Variants in WWC1 observed in about 807,000 individuals in gnomAD.
The protein encoded by WWC1 is WW and C2 domain containing 1, also known as protein KIBRA.
In WWC1, 55 loss-of-function variants were observed where a neutral mutation model predicts 138.4. That is an observed-to-expected ratio of 0.40 (90% CI 0.32 to 0.50). The LOEUF (loss-of-function observed/expected upper bound fraction) is 0.50. Ranked by LOEUF, WWC1 falls within the 20% of genes least tolerant of loss-of-function variation. The probability of loss-of-function intolerance (pLI) is 0.72; values close to 1 mark genes in which losing one functional copy is unlikely to be tolerated. For synonymous variants in WWC1, 524 were observed against 564.9 expected, an observed-to-expected ratio of 0.93 and a Z score of 1.03; for missense variants, 1,226 against 1,420.4, an observed-to-expected ratio of 0.86 and a Z score of 2.20.
chr5:168,426,813 G>C (rs1301558010), intron 11 of WWC1, among the ~76,000 whole-genome samples: 1 of 152,266 alleles, frequency 6.6e-6, no homozygotes, highest in Middle Eastern at 3.2e-3. Context: ...TCTGCCCGCA[G>C]GTGCTCAGAG....
rs76913767 is a variant in WWC1 at position 168,368,999 on chromosome 5, G to A, written c.120-2425G>A. ...TCCTTCTACTCCAAAATGGTAGTTT[G>A]TGTTTTCCCGTGGGGCTTAGGAGAT... On this transcript the variant is annotated intron_variant, in intron 1 of 22. Coordinates refer to ENST00000265293, the MANE Select transcript of WWC1 (RefSeq NM_015238.3). 8.0e-3 allele frequency among the ~76,000 whole-genome samples: 1,221 copies of A among 152,290 alleles called. 11 individuals carry two copies. The highest frequency in any genetic ancestry group is 0.03 in the East Asian group (156 of 5,168).
chr5:168,367,652 T>C (rs1221293933), intron 1 of WWC1, among the ~76,000 whole-genome samples: 1 of 152,046 alleles, frequency 6.6e-6, no homozygotes, highest in Non-Finnish European at 1.5e-5. Flanking sequence ...AGAGCTCGAG[T>C]TTTGGAATCT....
chr5:168,310,198 TTC>T (rs1487107712), intron 1 of WWC1, among the ~76,000 whole-genome samples: 1 of 152,170 alleles, frequency 6.6e-6, no homozygotes, highest in Non-Finnish European at 1.5e-5. Context: ...AAGAAGACCT[TTC>T]CCCTGTAATA....
intron 5 of WWC1, among the ~76,000 whole-genome samples, chr5:168,403,439 T>C (rs1266781102): frequency 6.6e-6 from 1 of 152,182 alleles, no homozygotes; most frequent in African/African-American, 2.4e-5. Context: ...CCTGTCATGA[T>C]TCTGATGACA....
intron 15 of WWC1, among the ~76,000 whole-genome samples, chr5:168,439,756 A>T (rs1293560031): frequency 3.3e-5 from 5 of 152,090 alleles, no homozygotes; most frequent in Non-Finnish European, 7.4e-5. Context: ...CTACAAGGAG[A>T]ATTATTCGGT....
chr5:168,406,972 G>T (rs886088987), intron 6 of WWC1, among the ~76,000 whole-genome samples: 1 of 149,570 alleles, frequency 6.7e-6, no homozygotes, highest in African/African-American at 2.6e-5. Context: ...AATAAAGAGA[G>T]AGAGAGAGAG....
At chr5:168,465,982 A>G (rs113692309) in intron 21 of WWC1, among the ~76,000 whole-genome samples, 7 of 152,226 alleles carry the variant, frequency 4.6e-5, no homozygotes, top group African/African-American at 1.7e-4. Flanking sequence ...AGAGCTCGGG[A>G]AGAGGGACCA....
intron 19 of WWC1, among the ~76,000 whole-genome samples, chr5:168,456,209 C>A (rs1289667118): frequency 6.6e-6 from 1 of 152,054 alleles, no homozygotes; most frequent in Non-Finnish European, 1.5e-5. Flanking sequence ...GAAGCTGAGA[C>A]AGGAGAATTG....
At position 168,406,233 on chromosome 5, in the gene WWC1, A is replaced by G; in HGVS notation, c.626A>G (p.Tyr209Cys). ...AAAATGTCTGATGCTCAGGGCAGCT[A>G]CAAACTGGATGAAGCTCAGGCTGTC... is the stretch of plus-strand genomic sequence containing the variant. The part of the protein sequence containing the change: ...DKKMSDAQGS[Y>C]KLDEAQAVLR... The change falls in exon 6 of 23, where the codon TAC (tyrosine) becomes TGC (cysteine). Residue 209 changes from tyrosine (Y) to cysteine (C), a missense_variant. Tyr to Cys is a radical substitution (Grantham distance 194). Around this residue, in one of 3 missense-constraint regions of WWC1, gnomAD observed 1,016 missense variants for 1,153.9 expected, o/e 0.88. Coordinates refer to ENST00000265293, the MANE Select transcript of WWC1 (RefSeq NM_015238.3). 1 of 1,614,142 alleles carries G rather than the reference A, an allele frequency of 6.2e-7. No individual in the cohort carries two copies. Among genetic ancestry groups the G allele is most frequent in the Non-Finnish European group, 8.5e-7 (1 of 1,179,962 alleles).
Position 168,441,688 on chromosome 5 carries a change from G to A in WWC1, c.2287G>A (p.Ala763Thr), listed in dbSNP as rs765296689. 10 of 1,613,504 alleles carry A rather than the reference G, an allele frequency of 6.2e-6. No individual in the cohort carries two copies. Among genetic ancestry groups the A allele is most frequent in the South Asian group, 2.2e-5 (2 of 90,990 alleles). The change falls in exon 16 of 23, where the codon GCC (alanine) becomes ACC (threonine). Residue 763 changes from alanine (A) to threonine (T), a missense_variant. This residue lies in a region of WWC1 where 1,016 missense variants were observed against 1,153.9 expected (regional missense o/e 0.88). Coordinates refer to ENST00000265293, the MANE Select transcript of WWC1 (RefSeq NM_015238.3). Reference sequence around the variant, plus strand: ...TTGTTTCCATCCCCAACAGGGAGGCGCCCAGATCAGCCTGGCGGAGGTCTG... The same window carrying A: ...TTGTTTCCATCCCCAACAGGGAGGCACCCAGATCAGCCTGGCGGAGGTCTG... The part of the protein sequence containing the change: ...RSHLEECLGG[A>T]QISLAEVCRS...
At chr5:168,377,122 G>A (rs1393327246) in intron 2 of WWC1, among the ~76,000 whole-genome samples, 4 of 152,126 alleles carry the variant, frequency 2.6e-5, no homozygotes, top group Non-Finnish European at 4.4e-5. Flanking sequence ...TTAGAATAAA[G>A]CCGCACACCT....
At chr5:168,390,884 C>G (rs750932176) in intron 3 of WWC1, among the ~76,000 whole-genome samples, 125 of 152,230 alleles carry the variant, frequency 8.2e-4, no homozygotes, top group Non-Finnish European at 1.6e-3. Flanking sequence ...GTTAGGCACT[C>G]TAAGTAATCT....
intron 1 of WWC1, among the ~76,000 whole-genome samples, chr5:168,362,683 A>G (rs1015204481): frequency 3.9e-4 from 60 of 152,264 alleles, no homozygotes; most frequent in African/African-American, 1.3e-3. Flanking sequence ...GGCAGCACAC[A>G]GAGGGGATTA....
At chr5:168,300,940 C>T (rs1277302587) in intron 1 of WWC1, among the ~76,000 whole-genome samples, 1 of 152,198 alleles carries the variant, frequency 6.6e-6, no homozygotes, top group African/African-American at 2.4e-5. Flanking sequence ...CGTGGCTTTT[C>T]TTGGAGAGTC....
chr5:168,399,022 A>G (rs1779120239), intron 4 of WWC1, among the ~76,000 whole-genome samples: 1 of 152,250 alleles, frequency 6.6e-6, no homozygotes, highest in Non-Finnish European at 1.5e-5. Flanking sequence ...ATGTCTTGCC[A>G]CTAAAGTTAC....
intron 3 of WWC1, among the ~76,000 whole-genome samples, chr5:168,396,498 G>T (rs920882985): frequency 6.6e-6 from 1 of 151,746 alleles, no homozygotes; most frequent in Non-Finnish European, 1.5e-5. Flanking sequence ...TGATGAAATT[G>T]TTCCTACAGT....
intron 1 of WWC1, among the ~76,000 whole-genome samples, chr5:168,297,321 A>G (rs1769625294): frequency 6.6e-6 from 1 of 152,164 alleles, no homozygotes; most frequent in Non-Finnish European, 1.5e-5. Flanking sequence ...CAGGCCTCTC[A>G]TTTCACTGAT....
rs1769084629 is a variant in WWC1 at position 168,291,965 on chromosome 5, G to A, written c.-188G>A. 1 of 477,118 alleles carries A rather than the reference G, an allele frequency of 2.1e-6. No homozygotes were observed. Among genetic ancestry groups the A allele is most frequent in the South Asian group, 8.2e-5 (1 of 12,210 alleles). 29.6% of individuals were successfully genotyped at this position (477,118 alleles called of 1,614,324 possible). ...GGGAGGAGCGGGCGGCGCCGGGTCGGGGCTGCAGGGCCGCATGGACAGCGG... is the reference window on the plus strand; with the variant it reads ...GGGAGGAGCGGGCGGCGCCGGGTCGAGGCTGCAGGGCCGCATGGACAGCGG... On this transcript the variant is annotated 5_prime_UTR_variant, in exon 1 of 23. Coordinates refer to ENST00000265293, the MANE Select transcript of WWC1 (RefSeq NM_015238.3).
At chr5:168,344,552 TAC>T (rs1774315806) in intron 1 of WWC1, among the ~76,000 whole-genome samples, 1 of 152,212 alleles carries the variant, frequency 6.6e-6, no homozygotes, top group Non-Finnish European at 1.5e-5. Context: ...GGGATAATAG[TAC>T]ACAGTTTCCT....
Sources: allele counts gnomAD v4.1 joint callset (sites outside exome capture counted in the v4.1 genomes callset), GRCh38; gene constraint gnomAD v4.1.1; regional missense constraint gnomAD v4.1.1; transcripts MANE v1.5; gene names NCBI Gene and HGNC (gene_info 2026-07-23, HGNC 2026-07-21).